GUCY1A2: variants seen among roughly 807,000 people sequenced by gnomAD.
The protein encoded by GUCY1A2 is guanylate cyclase 1 soluble subunit alpha 2.
In GUCY1A2, 27 loss-of-function variants were observed where a neutral mutation model predicts 63.5. The observed-to-expected ratio is 0.43, with a 90% CI of 0.31 to 0.59. The LOEUF (loss-of-function observed/expected upper bound fraction) is 0.59. GUCY1A2 is among the 20% of genes least tolerant of loss of function. The pLI, the probability that GUCY1A2 is intolerant of heterozygous loss-of-function variation, is 0.11. For missense variants in GUCY1A2, 768 were observed against 913.3 expected (o/e 0.84, Z 2.05); for synonymous variants, 364 against 343.5 (o/e 1.06, Z -0.66).
At chr11:106,900,721 G>C (rs1860120711) in intron 4 of GUCY1A2, among the ~76,000 whole-genome samples, 1 of 152,046 alleles carries the variant, frequency 6.6e-6, no homozygotes, top group African/African-American at 2.4e-5. Context: ...GAATTTTTTT[G>C]GTTTCCTAGT....
chr11:106,728,903 G>C (rs930750599), intron 6 of GUCY1A2, among the ~76,000 whole-genome samples: 1 of 152,134 alleles, frequency 6.6e-6, no homozygotes, highest in Non-Finnish European at 1.5e-5. Flanking sequence ...CTTTTGATAA[G>C]AATGACAGTG....
chr11:106,762,155 A>T (rs1188917093), intron 6 of GUCY1A2, among the ~76,000 whole-genome samples: 2 of 152,160 alleles, frequency 1.3e-5, no homozygotes, highest in Non-Finnish European at 2.9e-5. Flanking sequence ...ATTTAGAGTA[A>T]GAGAAAGATG....
rs572917177 is a variant in GUCY1A2, at chr11:106,952,455, T to A, written c.488-12277A>T. ...AGTTCTCCTTGAAGAGGTCTTCACA[T>A]CCCTTGAAAGTTGTATTCCTAGGTA... On this transcript the variant is annotated intron_variant, in intron 3 of 7. Coordinates refer to ENST00000526355, the MANE Select transcript of GUCY1A2 (RefSeq NM_000855.3). Among the ~76,000 whole-genome samples, 24 of 152,296 alleles carry A rather than the reference T, an allele frequency of 1.6e-4. No homozygotes were observed. The East Asian group carries it at 4.6e-3, about 29-fold the overall frequency.
intron 4 of GUCY1A2, among the ~76,000 whole-genome samples, chr11:106,876,434 C>T (rs1218439075): frequency 6.6e-6 from 1 of 151,968 alleles, no homozygotes; most frequent in Non-Finnish European, 1.5e-5. Context: ...ATTTTTGAGT[C>T]AAACAATTTA....
chr11:107,003,164 T>G (rs1374295434), intron 1 of GUCY1A2, among the ~76,000 whole-genome samples: 1 of 152,320 alleles, frequency 6.6e-6, no homozygotes, highest in East Asian at 1.9e-4. Context: ...CAGAGATGTA[T>G]GCCGACAATA....
At chr11:106,747,283 C>G (rs1156477477) in intron 6 of GUCY1A2, among the ~76,000 whole-genome samples, 1 of 146,626 alleles carries the variant, frequency 6.8e-6, no homozygotes, top group Non-Finnish European at 1.5e-5. Context: ...CCACCGCGCC[C>G]GGCCCATGAA....
At chr11:106,781,057 GT>G (rs2135405701) in intron 5 of GUCY1A2, among the ~76,000 whole-genome samples, 1 of 133,674 alleles carries the variant, frequency 7.5e-6, no homozygotes, top group South Asian at 2.5e-4. Context: ...TTGCTCCTGA[GT>G]TTATTTCCTT....
intron 3 of GUCY1A2, among the ~76,000 whole-genome samples, chr11:106,952,368 G>A (rs1448885798): frequency 6.6e-6 from 1 of 152,126 alleles, no homozygotes; most frequent in East Asian, 1.9e-4. Flanking sequence ...TCCTATCCAC[G>A]AGGATGGAAT....
rs560379418 is a variant in GUCY1A2, at chr11:106,781,676, A to G, written c.1693-5094T>C. ...CATCCCGGGTTCAAGCAATCCTCCC[A>G]CCTCAGCCTCCCTTGTAGCTGGGAC... On this transcript the variant is annotated intron_variant, in intron 5 of 7. Transcript: ENST00000526355. Among the ~76,000 whole-genome samples the G allele has an allele frequency of 2.0e-5, 3 of 148,250 alleles. No individual in the cohort carries two copies. In the East Asian group the frequency reaches 5.9e-4, roughly 29 times the overall value.
rs536713132 is a variant in GUCY1A2 at position 106,769,091 on chromosome 11, T to G, written c.1836+7348A>C. ...TTTCCCTGCAAAATCATCCTAAGTC[T>G]TAAATTATTTCTATAATATTTTATA... On this transcript the variant is annotated intron_variant, in intron 6 of 7. Coordinates refer to ENST00000526355, the MANE Select transcript of GUCY1A2 (RefSeq NM_000855.3). Among the ~76,000 whole-genome samples the G allele has an allele frequency of 2.0e-5, 3 of 152,202 alleles. No individual in the cohort carries two copies. In the South Asian group the frequency reaches 6.2e-4, roughly 32 times the overall value.
chr11:106,718,904 T>G (rs939877580), intron 6 of GUCY1A2, among the ~76,000 whole-genome samples: 1 of 152,142 alleles, frequency 6.6e-6, no homozygotes, highest in Admixed American at 6.5e-5. Context: ...CTTTTTTCTA[T>G]AATTTGATTT....
intron 5 of GUCY1A2, among the ~76,000 whole-genome samples, chr11:106,800,752 G>T (rs966389190): frequency 6.6e-6 from 1 of 152,052 alleles, no homozygotes; most frequent in Non-Finnish European, 1.5e-5. Flanking sequence ...GTAGGGGGAA[G>T]GGGGAGGGAT....
chr11:106,885,851 A>G lies in GUCY1A2; in HGVS notation c.1206+53609T>C, dbSNP rs116973133. ...AGCATTTCAAAAAACACTTGTGCTTATAAAATGTTATTATTGCCCACAAAA... is the reference window on the plus strand; with the variant it reads ...AGCATTTCAAAAAACACTTGTGCTTGTAAAATGTTATTATTGCCCACAAAA... On this transcript the variant is annotated intron_variant, in intron 4 of 7. Coordinates refer to ENST00000526355, the MANE Select transcript of GUCY1A2 (RefSeq NM_000855.3). 7.3e-4 allele frequency among the ~76,000 whole-genome samples: 111 copies of G among 152,364 alleles called. 1 individual carries two copies. In the East Asian group the frequency reaches 0.016, roughly 22 times the overall value.
chr11:106,833,448 T>A, intron 4 of GUCY1A2, among the ~76,000 whole-genome samples: 1 of 152,098 alleles, frequency 6.6e-6, no homozygotes, highest in Non-Finnish European at 1.5e-5. Context: ...AGTGAATCCA[T>A]ATACCCATCT....
At chr11:106,883,649 G>C (rs1859857608) in intron 4 of GUCY1A2, among the ~76,000 whole-genome samples, 1 of 152,092 alleles carries the variant, frequency 6.6e-6, no homozygotes, top group Non-Finnish European at 1.5e-5. Context: ...ATTTAGGCTT[G>C]TATATGCTAT....
chr11:106,841,122 C>G (rs1353982812), intron 4 of GUCY1A2, among the ~76,000 whole-genome samples: 3 of 151,828 alleles, frequency 2.0e-5, no homozygotes, highest in Non-Finnish European at 4.4e-5. Context: ...ATGCCATGAT[C>G]TCTTTTCTCC....
At chr11:106,922,104 T>C (rs1213355460) in intron 4 of GUCY1A2, among the ~76,000 whole-genome samples, 2 of 152,122 alleles carry the variant, frequency 1.3e-5, no homozygotes, top group South Asian at 2.1e-4. Context: ...CCTCATGAAA[T>C]TGATTCTAAG....
In GUCY1A2 at chr11:106,712,996, A is replaced by T. The variant is rs529594291; in HGVS notation, c.1837-4330T>A. Among the ~76,000 whole-genome samples, 17 of 152,204 alleles carry T rather than the reference A, an allele frequency of 1.1e-4. No homozygotes were observed. The East Asian group carries it at 3.3e-3, about 29-fold the overall frequency. On this transcript the variant is annotated intron_variant, in intron 6 of 7. Coordinates refer to ENST00000526355, the MANE Select transcript of GUCY1A2 (RefSeq NM_000855.3). The stretch of plus-strand genomic sequence containing the variant: ...TCTTTTTGCAACTCTTACTTCTCTG[A>T]TACTCTGTCTATGACCTTTAGCCTC...
intron 3 of GUCY1A2, 150 bp downstream of exon 3, chr11:106,978,469 G>T: frequency 2.0e-6 from 1 of 500,184 alleles, no homozygotes; most frequent in South Asian, 4.0e-5. Context: ...AACATCTTCA[G>T]GAGAGTTAAC....
Sources: gnomAD v4.1 joint callset for allele counts (sites outside exome capture counted in the v4.1 genomes callset) on GRCh38, gnomAD v4.1.1 for gene constraint, MANE v1.5 for transcripts, NCBI Gene and HGNC (gene_info 2026-07-23, HGNC 2026-07-21) for gene names.